Variants in CAST observed in about 807,000 individuals in gnomAD.
The protein encoded by CAST is MIR583 host.
Under a neutral mutation model 119.6 loss-of-function variants are expected in CAST, and 76 were observed. The observed-to-expected ratio is 0.64, with a 90% CI of 0.53 to 0.77. The LOEUF (loss-of-function observed/expected upper bound fraction) is 0.77, where lower values mean the gene tolerates loss of function less well. Among genes scored for constraint, CAST ranks in the 30% least tolerant of loss-of-function variants. The pLI is 0.00. For synonymous variants in CAST, 319 were observed against 331.6 expected (o/e 0.96, Z 0.41); for missense variants, 953 against 946.5 (o/e 1.01, Z -0.09).
chr5:96,662,166 G>A (rs1039950195), upstream of CAST: 3 of 409,346 alleles, frequency 7.3e-6, no homozygotes, highest in Admixed American at 9.4e-5. Flanking sequence ...GGGTCACCGG[G>A]TGAGGACCGG....
the CAST span, among the ~76,000 whole-genome samples, chr5:96,126,141 G>C: frequency 6.6e-6 from 1 of 152,162 alleles, no homozygotes; most frequent in South Asian, 2.1e-4. Context: ...ATAGATTTTT[G>C]CTCCATGAAG....
the CAST span, among the ~76,000 whole-genome samples, chr5:96,467,893 C>G: frequency 5.3e-5 from 8 of 151,794 alleles, no homozygotes; most frequent in Admixed American, 4.0e-4. Context: ...GGTATCTACC[C>G]AAAGGAAAAA....
the CAST span, among the ~76,000 whole-genome samples, chr5:95,999,525 G>A: frequency 5.6e-3 from 853 of 152,098 alleles, 1 homozygote; most frequent in Non-Finnish European, 9.3e-3. Flanking sequence ...AATTTATTTT[G>A]TAGGAACAGG....
intron 1 of CAST, among the ~76,000 whole-genome samples, chr5:96,582,071 C>G (rs560916280): frequency 1.3e-5 from 2 of 152,242 alleles, no homozygotes; most frequent in Admixed American, 1.3e-4. Flanking sequence ...ATAAGAAATA[C>G]TGTTTGGGAA....
chr5:95,962,954 T>C, the CAST span, among the ~76,000 whole-genome samples: 1 of 152,174 alleles, frequency 6.6e-6, no homozygotes, highest in African/African-American at 2.4e-5. Flanking sequence ...ATCCACAGGA[T>C]GCTTCCTGTG....
chr5:96,446,230 C>T, the CAST span, among the ~76,000 whole-genome samples: 223 of 151,042 alleles, frequency 1.5e-3, 1 homozygote, highest in Admixed American at 8.5e-3. Context: ...TCTGAGACAA[C>T]CCCTCATTTG....
intron 1 of CAST, among the ~76,000 whole-genome samples, chr5:96,620,820 T>C (rs149713094): frequency 2.6e-5 from 4 of 152,346 alleles, no homozygotes; most frequent in African/African-American, 9.6e-5. Flanking sequence ...TTTTAAATGC[T>C]CTTCTTTCTT....
the CAST span, among the ~76,000 whole-genome samples, chr5:96,114,412 C>A: frequency 1.3e-5 from 2 of 152,064 alleles, no homozygotes; most frequent in African/African-American, 4.8e-5. Flanking sequence ...CTCTTGGAGC[C>A]CAGAGAGGAA....
the CAST span, among the ~76,000 whole-genome samples, chr5:96,163,973 T>C: frequency 6.6e-6 from 1 of 152,164 alleles, no homozygotes; most frequent in African/African-American, 2.4e-5. Flanking sequence ...ATCTGTAAAA[T>C]GGGCATAATG....
chr5:96,323,747 A>G, the CAST span, among the ~76,000 whole-genome samples: 8 of 152,208 alleles, frequency 5.3e-5, no homozygotes, highest in African/African-American at 1.7e-4. Flanking sequence ...TTTCAGAGCT[A>G]CAGGGAACCA....
At chr5:96,400,275 G>A in the CAST span, 3 of 855,518 alleles carry the variant, frequency 3.5e-6, no homozygotes, top group Admixed American at 3.5e-5. Flanking sequence ...CTCCATTCAG[G>A]GATTATGAAG....
intron 1 of CAST, among the ~76,000 whole-genome samples, chr5:96,540,327 A>G (rs959266729): frequency 6.6e-5 from 10 of 151,596 alleles, no homozygotes; most frequent in Non-Finnish European, 8.8e-5. Flanking sequence ...TCTTTAAAAC[A>G]TTTTTTTTCC....
the CAST span, among the ~76,000 whole-genome samples, chr5:96,093,008 G>A: frequency 6.6e-6 from 1 of 152,064 alleles, no homozygotes; most frequent in Non-Finnish European, 1.5e-5. Flanking sequence ...AAGATTTAGA[G>A]GTTTTATTGA....
the CAST span, among the ~76,000 whole-genome samples, chr5:96,385,774 C>T: frequency 6.6e-6 from 1 of 152,166 alleles, no homozygotes; most frequent in Non-Finnish European, 1.5e-5. Context: ...TATTGCCTTG[C>T]AAATTACAAG....
the CAST span, among the ~76,000 whole-genome samples, chr5:96,057,540 A>G: frequency 6.6e-6 from 1 of 152,002 alleles, no homozygotes; most frequent in Non-Finnish European, 1.5e-5. Context: ...CAGATTTCTG[A>G]TTGATCTTCT....
the CAST span, among the ~76,000 whole-genome samples, chr5:96,432,609 C>T: frequency 6.6e-6 from 1 of 152,186 alleles, no homozygotes. Flanking sequence ...AATTCTAGAG[C>T]GGCCAACAGT....
chr5:96,434,433 AT>A, the CAST span, among the ~76,000 whole-genome samples: 1 of 152,178 alleles, frequency 6.6e-6, no homozygotes. Flanking sequence ...TCCTTTTGAT[AT>A]GTGCATTTCC....
intron 2 of CAST, among the ~76,000 whole-genome samples, chr5:96,685,310 G>C (rs929547100): frequency 6.6e-6 from 1 of 152,082 alleles, no homozygotes; most frequent in Non-Finnish European, 1.5e-5. Context: ...TATTATTCCA[G>C]AAATAACATG....
intron 1 of CAST, among the ~76,000 whole-genome samples, chr5:96,666,904 ACTACT>A (rs58123729): frequency 0.027 from 4,064 of 152,254 alleles, 177 homozygotes; most frequent in African/African-American, 0.092. Context: ...CAGATACAAA[ACTACT>A]CTAAGTAGTA....
Sources: gnomAD v4.1 joint callset for allele counts (sites outside exome capture counted in the v4.1 genomes callset) on GRCh38, gnomAD v4.1.1 for gene constraint, MANE v1.5 for transcripts, NCBI Gene and HGNC (gene_info 2026-07-23, HGNC 2026-07-21) for gene names.